UBE2E3: variants seen among roughly 807,000 people sequenced by gnomAD.
UBE2E3 encodes the protein ubiquitin-conjugating enzyme E2 E3.
UBE2E3 carries 5 observed loss-of-function variants against 23.6 expected under a neutral mutation model. The ratio of observed to expected loss-of-function variants is 0.21; its 90% confidence interval spans 0.11 to 0.44. The LOEUF is 0.44. Among genes scored for constraint, UBE2E3 ranks in the 20% least tolerant of loss-of-function variants. The probability of loss-of-function intolerance (pLI) is 0.99; values close to 1 mark genes in which losing one functional copy is unlikely to be tolerated. For missense variants in UBE2E3, 81 were observed against 249.8 expected (o/e 0.32, Z 4.55); for synonymous variants, 78 against 87.5 (o/e 0.89, Z 0.60).
At chr2:181,033,276 A>G (rs1686145299) in intron 3 of UBE2E3, among the ~76,000 whole-genome samples, 1 of 152,208 alleles carries the variant, frequency 6.6e-6, no homozygotes, top group Non-Finnish European at 1.5e-5. Context: ...CTGACTTCAA[A>G]CTATACTACA....
intron 3 of UBE2E3, among the ~76,000 whole-genome samples, chr2:181,004,538 C>G (rs551467467): frequency 1.3e-3 from 195 of 152,006 alleles, no homozygotes; most frequent in African/African-American, 4.6e-3. Flanking sequence ...GAGGCTGAGG[C>G]AGGAGAATCA....
intron 3 of UBE2E3, among the ~76,000 whole-genome samples, chr2:181,023,878 A>G (rs1409388193): frequency 6.6e-6 from 1 of 152,220 alleles, no homozygotes; most frequent in Non-Finnish European, 1.5e-5. Flanking sequence ...TTCGTGCTAG[A>G]TAAATGTTAG....
chr2:181,047,235 C>T (rs1313165112), intron 3 of UBE2E3, among the ~76,000 whole-genome samples: 1 of 152,096 alleles, frequency 6.6e-6, no homozygotes, highest in Non-Finnish European at 1.5e-5. Context: ...CTCTGTTAAA[C>T]ACCTGTTAGA....
At chr2:181,037,666 T>A (rs183173063) in intron 3 of UBE2E3, among the ~76,000 whole-genome samples, 7 of 152,102 alleles carry the variant, frequency 4.6e-5, no homozygotes, top group East Asian at 1.9e-4. Flanking sequence ...TAAAAAAAAA[T>A]TTTAAGTTGA....
At chr2:181,010,605 A>C (rs1559120240) in intron 3 of UBE2E3, among the ~76,000 whole-genome samples, 1 of 152,152 alleles carries the variant, frequency 6.6e-6, no homozygotes, top group Non-Finnish European at 1.5e-5. Flanking sequence ...ATAAAAGGAA[A>C]ATAGTAGATA....
At chr2:180,983,927 A>G (rs1367182064) in intron 2 of UBE2E3, 116 bp from the exon 3 acceptor site, 2 of 701,574 alleles carry the variant, frequency 2.9e-6, no homozygotes, top group Admixed American at 2.8e-5. Flanking sequence ...TGTTAGCATT[A>G]CTGAAGGCAG....
At chr2:180,987,458 C>T (rs1574155408) in intron 3 of UBE2E3, 18 of 1,495,990 alleles carry the variant, frequency 1.2e-5, no homozygotes, top group East Asian at 4.9e-5. Context: ...AATATACTGA[C>T]GAATATTTTA....
chr2:181,006,067 C>T (rs1435502632), intron 3 of UBE2E3, among the ~76,000 whole-genome samples: 1 of 152,100 alleles, frequency 6.6e-6, no homozygotes, highest in Non-Finnish European at 1.5e-5. Flanking sequence ...GAGGTCCAAG[C>T]CTAGTCCTTC....
chr2:181,060,770 G>C lies in UBE2E3; in HGVS notation c.484G>C (p.Val162Leu). ...GAGTCCCGCTTTGACTATTTCAAAG[G>C]TTTTGCTGTCTATTTGTTCCCTTTT... ...NWSPALTISK[V>L]LLSICSLLTD... Residue 162 changes from valine to leucine, a missense_variant, in exon 5 of 6, where the codon GTT (valine) becomes CTT (leucine). Transcript: ENST00000410062. 10 of 1,606,824 alleles carry C rather than the reference G, an allele frequency of 6.2e-6. No homozygotes were observed. The highest frequency in any genetic ancestry group is 8.5e-6 in the Non-Finnish European group (10 of 1,176,210).
At chr2:180,986,371 C>G (rs1332406588) in intron 3 of UBE2E3, among the ~76,000 whole-genome samples, 1 of 152,060 alleles carries the variant, frequency 6.6e-6, no homozygotes, top group Non-Finnish European at 1.5e-5. Flanking sequence ...TCTTCAAATT[C>G]TTGTGGGTGG....
At chr2:181,044,187 G>A (rs1002221214) in intron 3 of UBE2E3, among the ~76,000 whole-genome samples, 1 of 152,054 alleles carries the variant, frequency 6.6e-6, no homozygotes, top group Non-Finnish European at 1.5e-5. Context: ...GCCAGGTTTT[G>A]TGTTAAAGAT....
rs185136982 is a variant in UBE2E3, at chr2:181,016,646, A to G, written c.245+32553A>G. The stretch of plus-strand genomic sequence containing the variant: ...CCCAAACTGATTCTTTTTGCAAAGC[A>G]TTAGTGTTTCCCAAACCTTAGTTTT... On this transcript the variant is annotated intron_variant, in intron 3 of 5. Coordinates refer to ENST00000410062, the MANE Select transcript of UBE2E3 (RefSeq NM_006357.4). Among the ~76,000 whole-genome samples, 10 of 152,310 alleles carry G rather than the reference A, an allele frequency of 6.6e-5. No homozygotes were observed. In the East Asian group the frequency reaches 1.2e-3, roughly 18 times the overall value.
intron 3 of UBE2E3, among the ~76,000 whole-genome samples, chr2:181,020,508 A>G (rs1350775063): frequency 6.6e-6 from 1 of 152,218 alleles, no homozygotes; most frequent in Admixed American, 6.5e-5. Context: ...AAGCTGTCAC[A>G]GTTGATTAAA....
intron 3 of UBE2E3, among the ~76,000 whole-genome samples, chr2:181,034,525 C>T (rs116715071): frequency 0.018 from 2,695 of 152,172 alleles, 44 homozygotes; most frequent in Middle Eastern, 0.037. Context: ...CGGGACCTAC[C>T]GTGGGGTGGG....
chr2:181,048,933 C>T (rs1686748912), intron 3 of UBE2E3, among the ~76,000 whole-genome samples: 1 of 152,048 alleles, frequency 6.6e-6, no homozygotes, highest in African/African-American at 2.4e-5. Flanking sequence ...TCCTGAGCCC[C>T]AGCCGCCTTG....
chr2:181,035,165 A>G (rs1574205819), intron 3 of UBE2E3, among the ~76,000 whole-genome samples: 1 of 152,206 alleles, frequency 6.6e-6, no homozygotes, highest in East Asian at 1.9e-4. Flanking sequence ...TAATATTTAT[A>G]TGCATTCTAT....
chr2:181,001,112 T>C (rs1684976966), intron 3 of UBE2E3, among the ~76,000 whole-genome samples: 1 of 152,220 alleles, frequency 6.6e-6, no homozygotes, highest in African/African-American at 2.4e-5. Context: ...ACTTGGACTC[T>C]TTCAGAAACC....
chr2:181,030,172 G>A (rs573531944), intron 3 of UBE2E3, among the ~76,000 whole-genome samples: 2 of 152,058 alleles, frequency 1.3e-5, no homozygotes, highest in East Asian at 1.9e-4. Flanking sequence ...GTCTTTGGTG[G>A]TGGTGGTGGT....
chr2:181,027,948 C>T (rs528853696), intron 3 of UBE2E3, among the ~76,000 whole-genome samples: 2 of 152,082 alleles, frequency 1.3e-5, no homozygotes, highest in South Asian at 2.1e-4. Context: ...GATGATTTCT[C>T]ACCCAGCTTA....
Sources: gnomAD v4.1 joint callset for allele counts (sites outside exome capture counted in the v4.1 genomes callset) on GRCh38, gnomAD v4.1.1 for gene constraint, MANE v1.5 for transcripts, NCBI Gene and HGNC (gene_info 2026-07-23, HGNC 2026-07-21) for gene names.